MRPL12: variants seen among roughly 807,000 people sequenced by gnomAD.
The protein encoded by MRPL12 is mitochondrial ribosomal protein L12, also known as large ribosomal subunit protein bL12m.
Under a neutral mutation model 21.1 loss-of-function variants are expected in MRPL12, and 13 were observed. The observed-to-expected ratio is 0.62, with a 90% CI of 0.40 to 0.98. MRPL12 has a LOEUF of 0.98. Among genes scored for constraint, MRPL12 ranks in the 50% least tolerant of loss-of-function variants. The probability of loss-of-function intolerance (pLI) is 0.00; values close to 1 mark genes in which losing one functional copy is unlikely to be tolerated. For synonymous variants in MRPL12, 126 were observed against 115.3 expected, an observed-to-expected ratio of 1.09 and a Z score of -0.60; for missense variants, 251 against 268.6, an observed-to-expected ratio of 0.93 and a Z score of 0.46.
chr17:81,704,548 G>C (rs1218793606), intron 2 of MRPL12, 85 bp from the exon 3 acceptor site: 1 of 1,574,296 alleles, frequency 6.4e-7, no homozygotes, highest in Non-Finnish European at 8.7e-7. Context: ...CCAGGTGCAA[G>C]GTCCATGCCA....
At position 81,704,274 on chromosome 17, in the gene MRPL12, A is replaced by G. The variant is rs1247015207; in HGVS notation, c.105A>G (p.Arg35=). The change falls in exon 2 of 5, where the codon CGA becomes CGG. Residue 35 remains arginine, a synonymous_variant. Transcript: ENST00000333676. ...RRQVPCVCAV[R]HMRSSGHQRC... ...AGGTGCCATGTGTCTGTGCCGTGCG[A>G]CATATGAGGAGCAGCGGCCATCAGA... 3 of 1,612,178 alleles carry G rather than the reference A, an allele frequency of 1.9e-6. No homozygotes were observed. The African/African-American group carries it at 4.0e-5, about 22-fold the overall frequency.
chr17:81,704,906 T>C (rs2037298693), intron 3 of MRPL12, among the ~76,000 whole-genome samples, 190 bp downstream of exon 3: 1 of 152,252 alleles, frequency 6.6e-6, no homozygotes, highest in African/African-American at 2.4e-5. Context: ...GTGGAGACCA[T>C]GTTTCTAATG....
chr17:81,704,103 G>A (rs2037286688), intron 1 of MRPL12, 141 bp from the exon 2 acceptor site: 2 of 745,398 alleles, frequency 2.7e-6, no homozygotes, highest in Non-Finnish European at 4.2e-6. Context: ...GGACCAAGGA[G>A]CTAGGTAATT....
intron 3 of MRPL12, among the ~76,000 whole-genome samples, chr17:81,706,359 G>GC (rs1373378131): frequency 1.3e-5 from 2 of 152,100 alleles, no homozygotes; most frequent in African/African-American, 4.8e-5. Flanking sequence ...CAATTCTCAT[G>GC]CCGCAGCCTC....
chr17:81,704,662 T>A lies in MRPL12; in HGVS notation c.291T>A (p.Leu97=). The A allele has an allele frequency of 6.2e-7, 1 of 1,613,900 alleles. No individual in the cohort carries two copies. The highest frequency in any genetic ancestry group is 8.5e-7 in the Non-Finnish European group (1 of 1,179,988). The change falls in exon 3 of 5, where the codon CTT becomes CTA. Residue 97 remains leucine, a synonymous_variant. Transcript: ENST00000333676. ...CGTTGAAGATCCAGGATGTCGGGCT[T>A]GTGCCGATGGGTGGTGTGATGTCTG... ...KKTLKIQDVG[L]VPMGGVMSGA...
rs201467196 is a variant in MRPL12 at position 81,707,225 on chromosome 17, C to G, written c.582C>G (p.Thr194=). 1 of 1,599,348 alleles carries G rather than the reference C, an allele frequency of 6.3e-7. No homozygotes were observed. Among genetic ancestry groups the G allele is most frequent in the Non-Finnish European group, 8.5e-7 (1 of 1,171,940 alleles). The stretch of plus-strand genomic sequence containing the variant: ...CGGCCCTGGAGGCGGTGGGCGGCAC[C>G]GTGGTTCTGGAGTAGCCTCCAGCTC... ...IKAALEAVGG[T]VVLE The change falls in exon 5 of 5, where the codon ACC becomes ACG. Residue 194 remains threonine, a synonymous_variant. Transcript: ENST00000333676.
At position 81,706,988 on chromosome 17, in the gene MRPL12, T is replaced by G; in HGVS notation, c.428T>G (p.Val143Gly). The G allele has an allele frequency of 1.2e-6, 2 of 1,614,076 alleles. No individual in the cohort carries two copies. The highest frequency in any genetic ancestry group is 1.1e-5 in the South Asian group (1 of 91,084). Reference protein sequence around the residue: ...RLTEAKPVDKVKLIKEIKNYI... With the variant: ...RLTEAKPVDKGKLIKEIKNYI... The stretch of plus-strand genomic sequence containing the variant: ...ACCGAGGCGAAGCCCGTGGACAAAG[T>G]GAAGCTGATCAAGGAAATCAAGAAC... Residue 143 changes from valine to glycine, a missense_variant, in exon 4 of 5, where the codon GTG (valine) becomes GGG (glycine). Val to Gly is a moderately radical substitution (Grantham distance 109). Coordinates refer to ENST00000333676, the MANE Select transcript of MRPL12 (RefSeq NM_002949.4).
At chr17:81,703,974 G>C (rs371570389) in intron 1 of MRPL12, among the ~76,000 whole-genome samples, 6 of 152,364 alleles carry the variant, frequency 3.9e-5, no homozygotes, top group African/African-American at 1.2e-4. Flanking sequence ...CCAGAAACTT[G>C]AGGTTTGAGT....
At position 81,707,127 on chromosome 17, in the gene MRPL12, A is replaced by G; in HGVS notation, c.484A>G (p.Lys162Glu). The change falls in exon 5 of 5, where the codon AAG becomes GAG. Residue 162 changes from lysine (K) to glutamate (E), a missense_variant. Coordinates refer to ENST00000333676, the MANE Select transcript of MRPL12 (RefSeq NM_002949.4). ...YIQGINLVQAKKLVESLPQEI... is the reference protein window; with the variant it reads ...YIQGINLVQAEKLVESLPQEI... ...CTGACTTTGCTCTCTCTGGCAGGCAAAGAAGCTGGTGGAGTCCCTGCCCCA... is the reference window on the plus strand; with the variant it reads ...CTGACTTTGCTCTCTCTGGCAGGCAGAGAAGCTGGTGGAGTCCCTGCCCCA... 1.2e-6 allele frequency: 2 copies of G among 1,613,970 alleles called. No homozygotes were observed. The highest frequency in any genetic ancestry group is 1.7e-6 in the Non-Finnish European group (2 of 1,179,998).
Position 81,707,165 on chromosome 17 carries a change from C to T in MRPL12, c.522C>T (p.Ala174=). ...AGTCCCTGCCCCAGGAAATCAAAGC[C>T]AATGTCGCCAAAGCTGAGGCGGAGA... ...LVESLPQEIK[A]NVAKAEAEKI... is the part of the protein sequence containing the mutation. The change falls in exon 5 of 5, where the codon GCC becomes GCT. Residue 174 remains alanine (A), a synonymous_variant. Transcript: ENST00000333676. The T allele has an allele frequency of 6.2e-7, 1 of 1,614,042 alleles. No individual in the cohort carries two copies. The highest frequency in any genetic ancestry group is 8.5e-7 in the Non-Finnish European group (1 of 1,179,966).
chr17:81,704,317 G>C lies in MRPL12; in HGVS notation c.148G>C (p.Gly50Arg). The change falls in exon 2 of 5, where the codon GGT becomes CGT. Residue 50 changes from glycine (G) to arginine (R), a missense_variant. By Grantham distance (125) the Gly-to-Arg change is moderately radical. Transcript: ENST00000333676. ...CCATCAGAGGTGTGAGGCCCTCGCT[G>C]GTGCACCCCTGGATAACGCCCCCAA... is the stretch of plus-strand genomic sequence containing the variant. ...SGHQRCEALA[G>R]APLDNAPKEY... 1.9e-6 allele frequency: 3 copies of C among 1,613,532 alleles called. No homozygotes were observed. Among genetic ancestry groups the C allele is most frequent in the Non-Finnish European group, 2.5e-6 (3 of 1,179,910 alleles).
In MRPL12 at chr17:81,703,434, G is replaced by A. The variant is rs901885835; in HGVS notation, c.-68G>A. ...CGTTCCTCCCCAGCTCGAATGCCCG[G>A]CGGCCGAGGCGGCTAGAGCGTCGCC... On this transcript the variant is annotated 5_prime_UTR_variant, in exon 1 of 5. Transcript: ENST00000333676. 12 of 1,367,926 alleles carry A rather than the reference G, an allele frequency of 8.8e-6. No homozygotes were observed. The highest frequency in any genetic ancestry group is 8.3e-5 in the South Asian group (6 of 72,034). The allele number at this position is 1,367,926 out of a possible 1,614,324, so 84.7% of individuals were successfully genotyped here. A position where few individuals can be genotyped will look rare whatever the true frequency, so the allele number is the denominator to read the frequency against.
chr17:81,706,077 G>C (rs571588687), intron 3 of MRPL12, among the ~76,000 whole-genome samples: 3 of 152,206 alleles, frequency 2.0e-5, no homozygotes, highest in Admixed American at 2.0e-4. Flanking sequence ...GAAGCGCAGC[G>C]TGCCCGTCAG....
chr17:81,705,159 C>T (rs2037301167), intron 3 of MRPL12, among the ~76,000 whole-genome samples: 2 of 151,956 alleles, frequency 1.3e-5, no homozygotes, highest in African/African-American at 4.8e-5. Context: ...AGGAGAATAG[C>T]TTGAACCCGG....
Position 81,707,265 on chromosome 17 carries a change from C to T in MRPL12, c.*25C>T, listed in dbSNP as rs1661014874. 4.5e-6 allele frequency: 7 copies of T among 1,550,424 alleles called. No individual in the cohort carries two copies. The highest frequency in any genetic ancestry group is 5.2e-6 in the Non-Finnish European group (6 of 1,147,376). ...GCCTCCAGCTCGGAGGACTTGTGTT[C>T]AGGGGTCCTGGGCCCCGGGCGAGGT... is the stretch of plus-strand genomic sequence containing the variant. On this transcript the variant is annotated 3_prime_UTR_variant, in exon 5 of 5. Coordinates refer to ENST00000333676, the MANE Select transcript of MRPL12 (RefSeq NM_002949.4).
chr17:81,704,165 G>C (rs896787099), intron 1 of MRPL12, 79 bp from the exon 2 acceptor site: 30 of 1,446,882 alleles, frequency 2.1e-5, no homozygotes, highest in African/African-American at 2.8e-5. Flanking sequence ...CAGTCCCCCA[G>C]TTGTCCTGCC....
At chr17:81,706,805 C>T (rs2037318203) in intron 3 of MRPL12, 101 bp from the exon 4 acceptor site, 5 of 1,441,216 alleles carry the variant, frequency 3.5e-6, no homozygotes, top group Non-Finnish European at 9.4e-7. Context: ...GCCTCCGCTG[C>T]ACCTCCCTTT....
chr17:81,706,894 C>T lies in MRPL12; in HGVS notation c.346-12C>T. ...TTTGTCACCTGGCTCCCCTTCTTTC[C>T]TGCTCCCTAAGGCGGTGGAAGAAGA... On this transcript the variant is annotated splice_polypyrimidine_tract_variant and intron_variant, in intron 3 of 4. Coordinates refer to ENST00000333676, the MANE Select transcript of MRPL12 (RefSeq NM_002949.4). The T allele has an allele frequency of 6.2e-7, 1 of 1,613,188 alleles. No homozygotes were observed.
In MRPL12 at chr17:81,707,431, T is replaced by C; in HGVS notation, c.*191T>C. On this transcript the variant is annotated 3_prime_UTR_variant, in exon 5 of 5. Transcript: ENST00000333676. ...GCGGGAGGGAGGGGCGGCTGCTGCC[T>C]GGTGACGGCACCCGGAGGCCCACCA... 1 of 594,638 alleles carries C rather than the reference T, an allele frequency of 1.7e-6. No individual in the cohort carries two copies. The highest frequency in any genetic ancestry group is 2.9e-6 in the Non-Finnish European group (1 of 346,848). The allele number at this position is 594,638 out of a possible 1,614,324, so 36.8% of individuals were successfully genotyped here. A position where few individuals can be genotyped will look rare whatever the true frequency, so the allele number is the denominator to read the frequency against.
Sources: gnomAD v4.1 joint callset for allele counts (sites outside exome capture counted in the v4.1 genomes callset) on GRCh38, gnomAD v4.1.1 for gene constraint, MANE v1.5 for transcripts, NCBI Gene and HGNC (gene_info 2026-07-23, HGNC 2026-07-21) for gene names.